Variants in LRP1B observed in about 807,000 individuals in gnomAD.
The protein encoded by LRP1B is low-density lipoprotein receptor-related protein 1B.
Under a neutral mutation model 556.6 loss-of-function variants are expected in LRP1B, and 217 were observed. That is an observed-to-expected ratio of 0.39 (90% CI 0.35 to 0.44). The LOEUF (loss-of-function observed/expected upper bound fraction) is 0.44, where lower values mean the gene tolerates loss of function less well. Ranked by LOEUF, LRP1B falls within the 20% of genes least tolerant of loss-of-function variation. The pLI is 1.00. For missense variants in LRP1B, 5,053 were observed against 5,620.8 expected, an observed-to-expected ratio of 0.90 and a Z score of 3.23; for synonymous variants, 2,047 against 1,865.8, an observed-to-expected ratio of 1.10 and a Z score of -2.50.
rs564780620 is a variant in LRP1B at position 141,407,659 on chromosome 2, T to C, written c.343+72737A>G. On this transcript the variant is annotated intron_variant, in intron 3 of 90. Coordinates refer to ENST00000389484, the MANE Select transcript of LRP1B (RefSeq NM_018557.3). Reference sequence around the variant, plus strand: ...CTGCTTTCACCATGTGGCATGCTTGTTCTCCCTTCACCTTCTACCATAATT... The same window carrying C: ...CTGCTTTCACCATGTGGCATGCTTGCTCTCCCTTCACCTTCTACCATAATT... Among the ~76,000 whole-genome samples, 23 of 152,280 alleles carry C rather than the reference T, an allele frequency of 1.5e-4. No individual in the cohort carries two copies. The South Asian group carries it at 4.8e-3, about 32-fold the overall frequency.
intron 3 of LRP1B, among the ~76,000 whole-genome samples, chr2:141,379,192 T>C (rs75356602): frequency 0.05 from 7,627 of 152,200 alleles, 228 homozygotes; most frequent in South Asian, 0.083. Context: ...ACGTGAAGAC[T>C]GGAATAGAGT....
At chr2:141,117,960 T>C (rs1574090971) in intron 7 of LRP1B, among the ~76,000 whole-genome samples, 1 of 152,082 alleles carries the variant, frequency 6.6e-6, no homozygotes. Context: ...CATATATGTC[T>C]TCCTTGCTCC....
At chr2:140,465,901 C>T (rs1687525793) in intron 60 of LRP1B, among the ~76,000 whole-genome samples, 1 of 151,994 alleles carries the variant, frequency 6.6e-6, no homozygotes, top group African/African-American at 2.4e-5. Flanking sequence ...ATTTTGCTCC[C>T]TTCCATTAAC....
At chr2:141,204,801 G>T (rs1682199745) in intron 6 of LRP1B, among the ~76,000 whole-genome samples, 1 of 152,040 alleles carries the variant, frequency 6.6e-6, no homozygotes, top group South Asian at 2.1e-4. Context: ...GCCAGGTGCG[G>T]TGGCAGGTGC....
chr2:140,624,987 G>C (rs931729828), intron 41 of LRP1B, among the ~76,000 whole-genome samples: 1 of 152,102 alleles, frequency 6.6e-6, no homozygotes, highest in Non-Finnish European at 1.5e-5. Context: ...GAACAAGGAG[G>C]CCAGGAGCCG....
intron 3 of LRP1B, among the ~76,000 whole-genome samples, chr2:141,329,763 G>A (rs1240325058): frequency 6.6e-6 from 1 of 152,098 alleles, no homozygotes; most frequent in Non-Finnish European, 1.5e-5. Flanking sequence ...GATGGAGAAG[G>A]AACAAATATC....
intron 47 of LRP1B, among the ~76,000 whole-genome samples, chr2:140,526,840 G>C (rs936627075): frequency 6.6e-6 from 1 of 151,768 alleles, no homozygotes; most frequent in African/African-American, 2.4e-5. Flanking sequence ...AGCATTTCCT[G>C]CTATAATAGA....
chr2:140,302,056 G>C (rs1172802415), intron 83 of LRP1B, among the ~76,000 whole-genome samples: 1 of 151,924 alleles, frequency 6.6e-6, no homozygotes, highest in African/African-American at 2.4e-5. Context: ...AATATCTCTA[G>C]CTGGAAGATC....
intron 77 of LRP1B, among the ~76,000 whole-genome samples, chr2:140,336,661 G>C (rs1681119696): frequency 1.3e-5 from 2 of 151,848 alleles, no homozygotes; most frequent in Admixed American, 1.3e-4. Context: ...CATCTTTTGA[G>C]GAAAGTCACA....
chr2:140,796,191 CA>C (rs11307101), intron 32 of LRP1B, among the ~76,000 whole-genome samples: 27,026 of 151,852 alleles, frequency 0.18, 2,766 homozygotes, highest in Non-Finnish European at 0.23. Flanking sequence ...TAAAATTTAG[CA>C]GTTTACAAAG....
chr2:141,386,542 T>G (rs1486520932), intron 3 of LRP1B, among the ~76,000 whole-genome samples: 1 of 151,892 alleles, frequency 6.6e-6, no homozygotes, highest in Middle Eastern at 3.4e-3. Context: ...TCCATGCAAA[T>G]AGCACCAAAA....
chr2:141,891,555 G>C (rs1357960534), intron 1 of LRP1B, among the ~76,000 whole-genome samples: 6 of 152,044 alleles, frequency 3.9e-5, no homozygotes, highest in Non-Finnish European at 7.4e-5. Flanking sequence ...ACTCCGCATA[G>C]AATACTACCA....
intron 31 of LRP1B, among the ~76,000 whole-genome samples, chr2:140,815,279 T>A (rs1484956691): frequency 6.6e-6 from 1 of 152,044 alleles, no homozygotes; most frequent in Admixed American, 6.6e-5. Context: ...ATGTGAATCA[T>A]TAAATGCATT....
chr2:141,093,805 C>A (rs1052606598), intron 7 of LRP1B, among the ~76,000 whole-genome samples: 2 of 151,992 alleles, frequency 1.3e-5, no homozygotes, highest in Non-Finnish European at 2.9e-5. Context: ...ACCTCCACCC[C>A]CCGGGTTCAA....
At chr2:141,255,968 G>A (rs958383723) in intron 3 of LRP1B, among the ~76,000 whole-genome samples, 3 of 151,848 alleles carry the variant, frequency 2.0e-5, no homozygotes, top group African/African-American at 7.3e-5. Context: ...CATAGTCAAT[G>A]CTAATCACGC....
Position 140,840,100 on chromosome 2 carries a change from C to T in LRP1B, c.5115-15G>A, listed in dbSNP as rs1355665171. 1 of 1,491,720 alleles carries T rather than the reference C, an allele frequency of 6.7e-7. No homozygotes were observed. The highest frequency in any genetic ancestry group is 2.3e-5 in the East Asian group (1 of 43,934). The allele number at this position is 1,491,720 out of a possible 1,614,324, so 92.4% of individuals were successfully genotyped here. A position where few individuals can be genotyped will look rare whatever the true frequency, so the allele number is the denominator to read the frequency against. Reference sequence around the variant, plus strand: ...AGTAGAGTTTTCTTAATTCAAAAGACATATGGATTGAAAATATTAGATGTA... The same window carrying T: ...AGTAGAGTTTTCTTAATTCAAAAGATATATGGATTGAAAATATTAGATGTA... On this transcript the variant is annotated splice_polypyrimidine_tract_variant and intron_variant, in intron 30 of 90. Coordinates refer to ENST00000389484, the MANE Select transcript of LRP1B (RefSeq NM_018557.3).
At chr2:141,464,495 C>T (rs1193713580) in intron 3 of LRP1B, among the ~76,000 whole-genome samples, 3 of 150,002 alleles carry the variant, frequency 2.0e-5, no homozygotes, top group Non-Finnish European at 4.4e-5. Context: ...TCACTGCAAG[C>T]TCTGCCTCCC....
rs1198179967 is a variant in LRP1B, at chr2:140,868,240, T to C, written c.4193A>G (p.Asp1398Gly). 6.5e-7 allele frequency: 1 copy of C among 1,548,884 alleles called. No homozygotes were observed. Among genetic ancestry groups the C allele is most frequent in the South Asian group, 1.2e-5 (1 of 82,752 alleles). Residue 1398 changes from aspartate (D) to glycine (G), a missense_variant, in exon 26 of 91, where the codon GAT becomes GGT. This residue lies in a region of LRP1B where 3,619 missense variants were observed against 3,931.9 expected (regional missense o/e 0.92). Coordinates refer to ENST00000389484, the MANE Select transcript of LRP1B (RefSeq NM_018557.3). ...AGATTCAATGCGAGGAAAATTTGCA[T>C]CCCAGTCTGTCCAGAAAAGAATTCT... Reference protein sequence around the residue: ...RYGILFWTDWDANFPRIESAS... With the variant: ...RYGILFWTDWGANFPRIESAS...
intron 2 of LRP1B, among the ~76,000 whole-genome samples, chr2:141,708,797 A>T (rs1263648331): frequency 6.6e-6 from 1 of 152,062 alleles, no homozygotes; most frequent in African/African-American, 2.4e-5. Context: ...TATAAGAAGA[A>T]ATTTGGATCA....
Sources: allele counts gnomAD v4.1 joint callset (sites outside exome capture counted in the v4.1 genomes callset), GRCh38; gene constraint gnomAD v4.1.1; regional missense constraint gnomAD v4.1.1; transcripts MANE v1.5; gene names NCBI Gene and HGNC (gene_info 2026-07-23, HGNC 2026-07-21).